UTP18: variants seen among roughly 807,000 people sequenced by gnomAD.
UTP18 encodes the protein UTP18 small subunit processome component, also known as U3 small nucleolar RNA-associated protein 18 homolog.
In UTP18, 36 loss-of-function variants were observed where a neutral mutation model predicts 61.1. The observed-to-expected ratio is 0.59, with a 90% CI of 0.45 to 0.78. The LOEUF (loss-of-function observed/expected upper bound fraction) is 0.78. UTP18 is among the 30% of genes least tolerant of loss of function. The pLI is 0.00. For missense variants in UTP18, 753 were observed against 693.9 expected, an observed-to-expected ratio of 1.09 and a Z score of -0.96; for synonymous variants, 282 against 251.1, an observed-to-expected ratio of 1.12 and a Z score of -1.16.
At chr17:51,279,436 C>A (rs1226062452) in intron 7 of UTP18, among the ~76,000 whole-genome samples, 1 of 152,054 alleles carries the variant, frequency 6.6e-6, no homozygotes, top group Admixed American at 6.5e-5. Context: ...TGTGTCACAT[C>A]CAGAGAAGCT....
At chr17:51,285,659 A>G (rs924982296) in intron 10 of UTP18, among the ~76,000 whole-genome samples, 1 of 152,248 alleles carries the variant, frequency 6.6e-6, no homozygotes, top group African/African-American at 2.4e-5. Flanking sequence ...AAGAGACCAC[A>G]TTCACGTAAC....
chr17:51,279,324 C>T (rs898967482), intron 7 of UTP18, among the ~76,000 whole-genome samples: 2 of 152,052 alleles, frequency 1.3e-5, no homozygotes, highest in Admixed American at 6.6e-5. Flanking sequence ...GAGGAGTCCC[C>T]TGTATAGTCA....
At position 51,266,209 on chromosome 17, in the gene UTP18, G is replaced by A. The variant is rs1409116986; in HGVS notation, c.483G>A (p.Arg161=). 4 of 1,598,742 alleles carry A rather than the reference G, an allele frequency of 2.5e-6. No homozygotes were observed. Among genetic ancestry groups the A allele is most frequent in the Non-Finnish European group, 3.4e-6 (4 of 1,175,190 alleles). Residue 161 remains arginine, a synonymous_variant, in exon 3 of 14, where the codon CGG becomes CGA. Coordinates refer to ENST00000225298, the MANE Select transcript of UTP18 (RefSeq NM_016001.3). ...TTGACATGATGAACAATCGGTTTCG[G>A]AAGGATATGATGAAAAATGCTAGTG... is the stretch of plus-strand genomic sequence containing the variant. ...EMVDMMNNRF[R]KDMMKNASES... is the part of the protein sequence containing the mutation.
chr17:51,276,913 C>T (rs572456562), intron 6 of UTP18, among the ~76,000 whole-genome samples: 2 of 152,190 alleles, frequency 1.3e-5, no homozygotes, highest in Non-Finnish European at 2.9e-5. Context: ...GTGTGTTCAG[C>T]AACCCAGAAG....
intron 11 of UTP18, among the ~76,000 whole-genome samples, chr17:51,290,699 A>T (rs1233488498): frequency 6.6e-6 from 1 of 152,220 alleles, no homozygotes; most frequent in African/African-American, 2.4e-5. Context: ...TGTTTGCTTC[A>T]GTGATCATGA....
At chr17:51,273,746 T>TAAATAAATAAAC (rs934823907) in intron 5 of UTP18, among the ~76,000 whole-genome samples, 1 of 150,034 alleles carries the variant, frequency 6.7e-6, no homozygotes, top group Non-Finnish European at 1.5e-5. Context: ...AAATAATAAA[T>TAAATAAATAAAC]AAATAAATAA....
chr17:51,289,622 C>G lies in UTP18; in HGVS notation c.1503+1419C>G, dbSNP rs184949524. 1.5e-3 allele frequency among the ~76,000 whole-genome samples: 225 copies of G among 152,230 alleles called. 3 individuals are homozygous for G. The highest frequency in any genetic ancestry group is 2.5e-3 in the Non-Finnish European group (169 of 68,018). On this transcript the variant is annotated intron_variant, in intron 11 of 13. Coordinates refer to ENST00000225298, the MANE Select transcript of UTP18 (RefSeq NM_016001.3). ...GAAGTTTCCTAATCTTCAGGCAGAG[C>G]CAATTTTCTCATTCATTTAACAATT... is the stretch of plus-strand genomic sequence containing the variant.
intron 10 of UTP18, among the ~76,000 whole-genome samples, chr17:51,286,830 ATTTT>A (rs201195787): frequency 6.6e-6 from 1 of 151,972 alleles, no homozygotes; most frequent in African/African-American, 2.4e-5. Flanking sequence ...TAGTTTTTAA[ATTTT>A]TTTTATTATA....
At chr17:51,281,194 T>G (rs1479792668) in intron 9 of UTP18, among the ~76,000 whole-genome samples, 5 of 149,840 alleles carry the variant, frequency 3.3e-5, no homozygotes, top group African/African-American at 1.2e-4. Flanking sequence ...TGTGTTTGGT[T>G]TTAAAGTTTC....
intron 4 of UTP18, among the ~76,000 whole-genome samples, chr17:51,272,291 G>A (rs8082304): frequency 0.11 from 16,692 of 151,908 alleles, 1,466 homozygotes; most frequent in African/African-American, 0.23. Flanking sequence ...TAGAGACGGG[G>A]TTTCTCCATG....
chr17:51,294,013 G>A lies in UTP18; in HGVS notation c.1614G>A (p.Leu538=). ...DFSPRSGYFA[L]GNEKGKALMY... ...CTCCGAGAAGTGGATACTTTGCCTTGGGGAATGAAAAGGGCAAGGCCCTGA... is the reference window on the plus strand; with the variant it reads ...CTCCGAGAAGTGGATACTTTGCCTTAGGGAATGAAAAGGGCAAGGCCCTGA... The change falls in exon 12 of 14, where the codon TTG becomes TTA. Residue 538 remains leucine (L), a synonymous_variant. Transcript: ENST00000225298. The A allele has an allele frequency of 1.2e-6, 2 of 1,609,216 alleles. No homozygotes were observed. Among genetic ancestry groups the A allele is most frequent in the Non-Finnish European group, 1.7e-6 (2 of 1,177,936 alleles).
chr17:51,267,251 C>T (rs753757690), intron 3 of UTP18, among the ~76,000 whole-genome samples: 2 of 152,224 alleles, frequency 1.3e-5, no homozygotes, highest in Non-Finnish European at 1.5e-5. Flanking sequence ...AGGTGAGCCA[C>T]TGTGCTCAGC....
intron 5 of UTP18, among the ~76,000 whole-genome samples, chr17:51,275,617 A>G (rs1211863536): frequency 1.6e-4 from 24 of 152,342 alleles, no homozygotes; most frequent in Non-Finnish European, 2.9e-5. Flanking sequence ...TATGGAAAGC[A>G]CTTTAATGAT....
At position 51,291,963 on chromosome 17, in the gene UTP18, G is replaced by GT. The variant is rs543831187; in HGVS notation, c.1504-1933dup. Among the ~76,000 whole-genome samples, 3 of 152,106 alleles carry GT rather than the reference G, an allele frequency of 2.0e-5. No individual in the cohort carries two copies. In the East Asian group the frequency reaches 5.8e-4, roughly 29 times the overall value. ...TTTGTCCTCACCCCTTGTAGCAAAT[G>GT]TTTTTTTCCTGATCATCTGCTTTCC... On this transcript the variant is annotated intron_variant, in intron 11 of 13. Coordinates refer to ENST00000225298, the MANE Select transcript of UTP18 (RefSeq NM_016001.3).
At chr17:51,283,328 C>G (rs553816455) in intron 9 of UTP18, among the ~76,000 whole-genome samples, 1 of 151,712 alleles carries the variant, frequency 6.6e-6, no homozygotes, top group Non-Finnish European at 1.5e-5. Flanking sequence ...ACCACCACAT[C>G]GGCTAATTTT....
chr17:51,269,123 C>CA (rs557394654), intron 4 of UTP18, among the ~76,000 whole-genome samples: 3 of 151,646 alleles, frequency 2.0e-5, no homozygotes, highest in Non-Finnish European at 2.9e-5. Flanking sequence ...CCCATCTCTA[C>CA]AAAAAATACA....
chr17:51,269,047 G>GATGAC, intron 4 of UTP18, 143 bp downstream of exon 4: 2 of 766,952 alleles, frequency 2.6e-6, no homozygotes, highest in Non-Finnish European at 4.2e-6. Flanking sequence ...AGTGCTTTGG[G>GATGAC]AGCCCGAGGC....
intron 4 of UTP18, 52 bp downstream of exon 4, chr17:51,268,956 C>T (rs769471546): frequency 2.4e-5 from 38 of 1,554,286 alleles, no homozygotes; most frequent in Admixed American, 1.5e-4. Context: ...TGTTCCTGTT[C>T]GTTATTATTT....
chr17:51,260,984 G>C, intron 1 of UTP18, 58 bp downstream of exon 1: 1 of 1,383,606 alleles, frequency 7.2e-7, no homozygotes, highest in Non-Finnish European at 9.4e-7. Flanking sequence ...GCGGTGGGCG[G>C]TGAAGCTCCG....
Sources: allele counts gnomAD v4.1 joint callset (sites outside exome capture counted in the v4.1 genomes callset), GRCh38; gene constraint gnomAD v4.1.1; transcripts MANE v1.5; gene names NCBI Gene and HGNC (gene_info 2026-07-23, HGNC 2026-07-21).